NEK6: variants seen among roughly 807,000 people sequenced by gnomAD.
NEK6 encodes the protein NIMA related kinase 6, also known as serine/threonine-protein kinase Nek6.
Under a neutral mutation model 43.5 loss-of-function variants are expected in NEK6, and 27 were observed. The observed-to-expected ratio is 0.62, with a 90% confidence interval of 0.46 to 0.86. NEK6 has a LOEUF of 0.86. Ranked by LOEUF, NEK6 falls within the 40% of genes least tolerant of loss-of-function variation. The pLI is 0.00. For synonymous variants in NEK6, 167 were observed against 164.1 expected (o/e 1.02, Z -0.14); for missense variants, 318 against 414.4 (o/e 0.77, Z 2.02).
At chr9:124,291,182 T>A (rs1447790060) in intron 1 of NEK6, among the ~76,000 whole-genome samples, 2 of 152,214 alleles carry the variant, frequency 1.3e-5, no homozygotes, top group Non-Finnish European at 2.9e-5. Context: ...TGTCCCTGTT[T>A]TACCCGTGAG....
chr9:124,337,455 T>C (rs1325983681), intron 7 of NEK6, among the ~76,000 whole-genome samples: 4 of 152,256 alleles, frequency 2.6e-5, no homozygotes, highest in African/African-American at 9.6e-5. Context: ...CCTTTCCTGG[T>C]CACCACTCCT....
Position 124,347,794 on chromosome 9 carries a change from C to G in NEK6, c.803C>G (p.Pro268Arg), listed in dbSNP as rs778322409. 6.2e-6 allele frequency: 10 copies of G among 1,612,824 alleles called. No individual in the cohort carries two copies. The highest frequency in any genetic ancestry group is 7.6e-6 in the Non-Finnish European group (9 of 1,179,116). The part of the protein sequence containing the change: ...CQKIEQCDYP[P>R]LPGEHYSEKL... ...AAGATCGAGCAGTGTGACTACCCCCCACTCCCCGGGGAGCACTACTCCGAG... is the reference window on the plus strand; with the variant it reads ...AAGATCGAGCAGTGTGACTACCCCCGACTCCCCGGGGAGCACTACTCCGAG... The change falls in exon 9 of 10, where the codon CCA becomes CGA. Residue 268 changes from proline (P) to arginine (R), a missense_variant. Transcript: ENST00000320246.
chr9:124,314,069 C>T (rs1833693857), intron 4 of NEK6, 84 bp downstream of exon 4: 2 of 1,219,490 alleles, frequency 1.6e-6, no homozygotes, highest in Non-Finnish European at 2.4e-6. Context: ...TCCATCACAG[C>T]CCTTGGGTGC....
At chr9:124,286,828 C>T (rs1186502187) in intron 1 of NEK6, among the ~76,000 whole-genome samples, 1 of 152,236 alleles carries the variant, frequency 6.6e-6, no homozygotes, top group Non-Finnish European at 1.5e-5. Flanking sequence ...AAGCTGCTGA[C>T]ATGAGTAGGG....
rs143080213 is a variant in NEK6, at chr9:124,260,045, C to T, written c.-30+1960C>T. Among the ~76,000 whole-genome samples the T allele has an allele frequency of 2.7e-3, 410 of 152,202 alleles. 2 individuals are homozygous for T. The highest frequency in any genetic ancestry group is 6.0e-3 in the Admixed American group (91 of 15,286). Reference sequence around the variant, plus strand: ...TAGGGGGTGTGAATCTCCCGTTGGTCTTCTGTGACAGAAAATGCTTTTGGT... The same window carrying T: ...TAGGGGGTGTGAATCTCCCGTTGGTTTTCTGTGACAGAAAATGCTTTTGGT... On this transcript the variant is annotated intron_variant, in intron 1 of 9. Coordinates refer to ENST00000320246, the MANE Select transcript of NEK6 (RefSeq NM_014397.6).
chr9:124,257,994 T>TGCGCCGCAAACTCGTGTGGGAC lies in NEK6; in HGVS notation c.-118_-97dup, dbSNP rs1331027756. On this transcript the variant is annotated 5_prime_UTR_variant, in exon 1 of 10. Coordinates refer to ENST00000320246, the MANE Select transcript of NEK6 (RefSeq NM_014397.6). ...ACCGAGCTGACGGGCGTGCGGCCGCTGCGCCGCAAACTCGTGTGGGACGCA... is the reference window on the plus strand; with the variant it reads ...ACCGAGCTGACGGGCGTGCGGCCGCTGCGCCGCAAACTCGTGTGGGACGCGCCGCAAACTCGTGTGGGACGCA... 10 of 978,062 alleles carry TGCGCCGCAAACTCGTGTGGGAC rather than the reference T, an allele frequency of 1.0e-5. No individual in the cohort carries two copies. In the South Asian group the frequency reaches 1.9e-4, roughly 18 times the overall value. The allele number at this position is 978,062 out of a possible 1,614,324, so 60.6% of individuals were successfully genotyped here.
At chr9:124,280,574 G>A (rs1172286805) in intron 1 of NEK6, among the ~76,000 whole-genome samples, 3 of 152,182 alleles carry the variant, frequency 2.0e-5, no homozygotes, top group Non-Finnish European at 4.4e-5. Flanking sequence ...GGCAGACATG[G>A]GTGTGACGTT....
At position 124,351,002 on chromosome 9, in the gene NEK6, G is replaced by T. The variant is rs773163638; in HGVS notation, c.*55G>T. On this transcript the variant is annotated 3_prime_UTR_variant, in exon 10 of 10. Coordinates refer to ENST00000320246, the MANE Select transcript of NEK6 (RefSeq NM_014397.6). ...AGCACCACTTTGCCTTACTTGAGTC[G>T]TCTTCTCTTCGAGTGGCCACCTGGT... 1.0e-4 allele frequency: 135 copies of T among 1,326,254 alleles called. No individual in the cohort carries two copies. The highest frequency in any genetic ancestry group is 1.4e-4 in the Non-Finnish European group (132 of 936,342). 82.2% of individuals were successfully genotyped at this position (1,326,254 alleles called of 1,614,324 possible).
At chr9:124,307,921 C>G (rs1415028911) in intron 2 of NEK6, among the ~76,000 whole-genome samples, 1 of 152,198 alleles carries the variant, frequency 6.6e-6, no homozygotes, top group Admixed American at 6.5e-5. Context: ...CTGGGCTTGT[C>G]CACTGCTCAG....
chr9:124,289,315 A>G lies in NEK6; in HGVS notation c.-29-12621A>G, dbSNP rs562009580. ...TGTCCAGGTCAGGACTCAGGCCTGC[A>G]TTCCCATCCAAGCTCTGCCTCTGCA... is the stretch of plus-strand genomic sequence containing the variant. On this transcript the variant is annotated intron_variant, in intron 1 of 9. Transcript: ENST00000320246. Among the ~76,000 whole-genome samples, 23 of 151,832 alleles carry G rather than the reference A, an allele frequency of 1.5e-4. No individual in the cohort carries two copies. In the South Asian group the frequency reaches 4.4e-3, roughly 29 times the overall value.
intron 8 of NEK6, among the ~76,000 whole-genome samples, chr9:124,344,819 A>G (rs1361687499): frequency 6.6e-6 from 1 of 152,194 alleles, no homozygotes; most frequent in Non-Finnish European, 1.5e-5. Context: ...CAGCGGACTC[A>G]AGGGGAAGAT....
chr9:124,342,669 C>T (rs1829702901), intron 8 of NEK6, among the ~76,000 whole-genome samples: 1 of 152,270 alleles, frequency 6.6e-6, no homozygotes, highest in Non-Finnish European at 1.5e-5. Flanking sequence ...CAAAGTGCAG[C>T]CCAGCCTCAG....
At position 124,347,810 on chromosome 9, in the gene NEK6, C is replaced by G. The variant is rs1830022671; in HGVS notation, c.819C>G (p.His273Gln). The G allele has an allele frequency of 6.2e-7, 1 of 1,609,220 alleles. No individual in the cohort carries two copies. The highest frequency in any genetic ancestry group is 8.5e-7 in the Non-Finnish European group (1 of 1,176,130). The change falls in exon 9 of 10, where the codon CAC becomes CAG. Residue 273 changes from histidine (H) to glutamine (Q), a missense_variant. By Grantham distance (24) the His-to-Gln change is conservative. Coordinates refer to ENST00000320246, the MANE Select transcript of NEK6 (RefSeq NM_014397.6). ...ACTACCCCCCACTCCCCGGGGAGCA[C>G]TACTCCGAGAAGGTGAGTTTGCAGG... ...QCDYPPLPGE[H>Q]YSEKLRELVS...
At chr9:124,339,117 C>T (rs1015619374) in intron 7 of NEK6, among the ~76,000 whole-genome samples, 9 of 151,726 alleles carry the variant, frequency 5.9e-5, no homozygotes, top group African/African-American at 1.9e-4. Flanking sequence ...CAGCCTCCGC[C>T]TCCCTGGTTT....
intron 1 of NEK6, among the ~76,000 whole-genome samples, chr9:124,286,067 TC>T (rs1444371554): frequency 6.6e-6 from 1 of 151,926 alleles, no homozygotes; most frequent in Admixed American, 6.6e-5. Context: ...CGTGAACGGT[TC>T]CCCCCTCCCT....
At chr9:124,291,928 G>A in intron 1 of NEK6, 5 of 985,716 alleles carry the variant, frequency 5.1e-6, no homozygotes, top group South Asian at 4.7e-5. Context: ...CCGGAGTCTT[G>A]GGAAGGGGAA....
intron 8 of NEK6, 100 bp from the exon 9 acceptor site, chr9:124,347,609 A>G: frequency 5.7e-6 from 4 of 707,688 alleles, no homozygotes; most frequent in East Asian, 2.8e-5. Flanking sequence ...TCGGGACCAG[A>G]GAGAACCCAT....
intron 8 of NEK6, among the ~76,000 whole-genome samples, chr9:124,340,181 G>A (rs1299220355): frequency 1.1e-5 from 1 of 89,050 alleles, no homozygotes; most frequent in African/African-American, 4.1e-5. Context: ...CTAGGGGATG[G>A]CCACTTCCAG....
chr9:124,303,869 G>A (rs778047496), intron 2 of NEK6, among the ~76,000 whole-genome samples: 2 of 152,224 alleles, frequency 1.3e-5, no homozygotes, highest in African/African-American at 2.4e-5. Context: ...CCCAGAATTA[G>A]CCAGTTGCAT....
Sources: gnomAD v4.1 joint callset for allele counts (sites outside exome capture counted in the v4.1 genomes callset) on GRCh38, gnomAD v4.1.1 for gene constraint, MANE v1.5 for transcripts, NCBI Gene and HGNC (gene_info 2026-07-23, HGNC 2026-07-21) for gene names.